The following OSBPL5 variants were observed in gnomAD, a reference collection of about 807,000 sequenced individuals.
OSBPL5 encodes the protein oxysterol-binding protein-related protein 5.
Under a neutral mutation model 111.2 loss-of-function variants are expected in OSBPL5, and 71 were observed. The observed-to-expected ratio is 0.64, with a 90% CI of 0.53 to 0.78. The LOEUF (loss-of-function observed/expected upper bound fraction) is 0.78. Among genes scored for constraint, OSBPL5 ranks in the 30% least tolerant of loss-of-function variants. The probability of loss-of-function intolerance (pLI) is 0.00; values close to 1 mark genes in which losing one functional copy is unlikely to be tolerated. For missense variants in OSBPL5, 1,210 were observed against 1,189.3 expected, an observed-to-expected ratio of 1.02 and a Z score of -0.26; for synonymous variants, 549 against 513.9, an observed-to-expected ratio of 1.07 and a Z score of -0.93.
chr11:3,088,215 A>T lies in OSBPL5; in HGVS notation c.2630T>A (p.Ile877Asn). 1.9e-6 allele frequency: 3 copies of T among 1,592,546 alleles called. No homozygotes were observed. The highest frequency in any genetic ancestry group is 2.6e-6 in the Non-Finnish European group (3 of 1,168,482). The change falls in exon 22 of 22, where the codon ATC (isoleucine) becomes AAC (asparagine). Residue 877 changes from isoleucine to asparagine, a missense_variant. By Grantham distance (149) the Ile-to-Asn change is moderately radical. Transcript: ENST00000263650. ...FLACQLFINH[I>N]LK ...CTGCCCTCAGGGCTCCTATTTGAGG[A>T]TGTGGTTAATGAACAGCTGACACGC... is the stretch of plus-strand genomic sequence containing the variant.
Position 3,142,166 on chromosome 11 carries a change from T to A in OSBPL5, c.-21-12997A>T, listed in dbSNP as rs1562355. Among the ~76,000 whole-genome samples the A allele has an allele frequency of 1.3e-5, 2 of 151,770 alleles. No individual in the cohort carries two copies. Among genetic ancestry groups the A allele is most frequent in the South Asian group, 2.1e-4 (1 of 4,820 alleles). On this transcript the variant is annotated intron_variant, in intron 1 of 21. Transcript: ENST00000263650. The surrounding 1 kb of genome is among the most constrained non-coding windows in gnomAD (Gnocchi z 7.1). ...ACTCCCGACCTCAAGTGATCTGCCCTCCTCGGCGTCCCAAAGTGCTGGGAT... is the reference window on the plus strand; with the variant it reads ...ACTCCCGACCTCAAGTGATCTGCCCACCTCGGCGTCCCAAAGTGCTGGGAT...
intron 1 of OSBPL5, among the ~76,000 whole-genome samples, chr11:3,131,708 ATCCATCCATCCATC>A (rs1406743840): frequency 1.1e-4 from 13 of 122,332 alleles, no homozygotes; most frequent in African/African-American, 4.5e-4. Context: ...CTATCCATCC[ATCCATCCATCCATC>A]CATCCATCCA....
chr11:3,143,260 G>A (rs111525305), intron 1 of OSBPL5, among the ~76,000 whole-genome samples: 39 of 148,700 alleles, frequency 2.6e-4, no homozygotes, highest in Admixed American at 1.0e-3. Context: ...GGTGCGGAGC[G>A]GGGCAGAGGA....
At chr11:3,150,042 A>G (rs1326221276) in intron 1 of OSBPL5, among the ~76,000 whole-genome samples, 1 of 152,210 alleles carries the variant, frequency 6.6e-6, no homozygotes, top group Non-Finnish European at 1.5e-5. Context: ...GTGCATGCAC[A>G]CACACACAGA....
chr11:3,128,238 T>A lies in OSBPL5; in HGVS notation c.136+775A>T, dbSNP rs75383714. On this transcript the variant is annotated intron_variant, in intron 2 of 21. Coordinates refer to ENST00000263650, the MANE Select transcript of OSBPL5 (RefSeq NM_020896.4). The stretch of plus-strand genomic sequence containing the variant: ...CCCACTCCCCCCAGGGCAGATGAGA[T>A]GACCATGGCCAGGCAGGGCTGGGGC... Among the ~76,000 whole-genome samples, 351 of 152,244 alleles carry A rather than the reference T, an allele frequency of 2.3e-3. 3 individuals carry two copies. Among genetic ancestry groups the A allele is most frequent in the African/African-American group, 8.3e-3 (343 of 41,540 alleles).
At chr11:3,127,250 G>C (rs919174984) in intron 2 of OSBPL5, among the ~76,000 whole-genome samples, 2 of 152,236 alleles carry the variant, frequency 1.3e-5, no homozygotes, top group Non-Finnish European at 2.9e-5. Context: ...GTGGGCGAGG[G>C]TTGACTGCCC....
chr11:3,134,303 C>A (rs1400397713), intron 1 of OSBPL5, among the ~76,000 whole-genome samples: 1 of 152,242 alleles, frequency 6.6e-6, no homozygotes, highest in Non-Finnish European at 1.5e-5. Flanking sequence ...CATCCGCTGG[C>A]CACCCAGCAG....
At chr11:3,100,400 C>T (rs1463913362) in intron 13 of OSBPL5, 144 bp from the exon 14 acceptor site, 4 of 674,876 alleles carry the variant, frequency 5.9e-6, no homozygotes, top group Non-Finnish European at 1.1e-5. Flanking sequence ...GCGTGAGTCA[C>T]TTAACCTCTC....
rs961354384 is a variant in OSBPL5, at chr11:3,162,596, C to G, written c.-22+2620G>C. Among the ~76,000 whole-genome samples the G allele has an allele frequency of 2.6e-5, 4 of 152,008 alleles. No individual in the cohort carries two copies. Among genetic ancestry groups the G allele is most frequent in the African/African-American group, 9.7e-5 (4 of 41,368 alleles). ...AGTCCTTTGTACTCGACCGCCAACC[C>G]TACCACTCTCCGGAGCAGCTTCACT... On this transcript the variant is annotated intron_variant, in intron 1 of 21. Transcript: ENST00000263650. The surrounding 1 kb of genome is among the most constrained non-coding windows in gnomAD (Gnocchi z 8.1).
rs529853611 is a variant in OSBPL5 at position 3,163,011 on chromosome 11, GGCTCCCTCCCCGACA to G, written c.-22+2190_-22+2204del. Among the ~76,000 whole-genome samples the G allele has an allele frequency of 8.0e-4, 122 of 152,142 alleles. 2 individuals carry two copies. In the East Asian group the frequency reaches 0.023, roughly 29 times the overall value. ...CTCCACAAGGGGAGCTGCACCTAACGGCTCCCTCCCCGACAGCTCCCTTCCTGTCAAAATGACCGG... is the reference window on the plus strand; with the variant it reads ...CTCCACAAGGGGAGCTGCACCTAACGGCTCCCTTCCTGTCAAAATGACCGG... On this transcript the variant is annotated intron_variant, in intron 1 of 21. Transcript: ENST00000263650.
At chr11:3,096,636 A>C (rs1180765470) in intron 14 of OSBPL5, among the ~76,000 whole-genome samples, 36 of 151,320 alleles carry the variant, frequency 2.4e-4, no homozygotes, top group Admixed American at 1.1e-3. Context: ...AAAAGACAGA[A>C]AGAAAGAAAG....
At chr11:3,149,866 C>A (rs555232368) in intron 1 of OSBPL5, among the ~76,000 whole-genome samples, 1 of 152,220 alleles carries the variant, frequency 6.6e-6, no homozygotes, top group Non-Finnish European at 1.5e-5. Flanking sequence ...CTGACATGCA[C>A]GAGTGTGATG....
chr11:3,125,360 C>G (rs115449538), intron 3 of OSBPL5, among the ~76,000 whole-genome samples: 2,760 of 152,282 alleles, frequency 0.018, 84 homozygotes, highest in African/African-American at 0.064. Flanking sequence ...GCAAACAACC[C>G]ATTCCAAAAA....
intron 6 of OSBPL5, 52 bp downstream of exon 6, chr11:3,120,369 A>G: frequency 6.4e-7 from 1 of 1,562,360 alleles, no homozygotes; most frequent in East Asian, 2.4e-5. Flanking sequence ...CCTAGGAATG[A>G]GCCCCTTGGC....
chr11:3,122,489 C>T, intron 3 of OSBPL5, 61 bp from the exon 4 acceptor site: 1 of 1,526,042 alleles, frequency 6.6e-7, no homozygotes, highest in Admixed American at 1.8e-5. Flanking sequence ...GCTAGGAGCC[C>T]AGGTTGGCCT....
chr11:3,103,289 T>G lies in OSBPL5; in HGVS notation c.1276A>C (p.Met426Leu). ...AAVEEDAYSR[M>L]KLVLRWYLSG... ...AGGTACCACCGCAGCACCAGCTTCA[T>G]GCGGCTGTAGGCATCCTCCTCCACC... Residue 426 changes from methionine to leucine, a missense_variant, in exon 11 of 22, where the codon ATG becomes CTG. By Grantham distance (15) the Met-to-Leu change is conservative. Coordinates refer to ENST00000263650, the MANE Select transcript of OSBPL5 (RefSeq NM_020896.4). 6.2e-7 allele frequency: 1 copy of G among 1,608,548 alleles called. No individual in the cohort carries two copies.
At chr11:3,099,020 C>T (rs1278462485) in intron 14 of OSBPL5, among the ~76,000 whole-genome samples, 4 of 152,184 alleles carry the variant, frequency 2.6e-5, no homozygotes, top group Non-Finnish European at 4.4e-5. Flanking sequence ...CCAGGCTGGT[C>T]TTGAACTCTT....
At chr11:3,093,918 T>G in intron 15 of OSBPL5, 83 bp from the exon 16 acceptor site, 1 of 1,494,694 alleles carries the variant, frequency 6.7e-7, no homozygotes, top group Non-Finnish European at 9.0e-7. Flanking sequence ...CACGGAACAG[T>G]TATTCTCTTG....
chr11:3,159,291 G>A (rs140398567), intron 1 of OSBPL5, among the ~76,000 whole-genome samples: 393 of 152,242 alleles, frequency 2.6e-3, no homozygotes, highest in Non-Finnish European at 4.6e-3. Flanking sequence ...TCTGTAGCTC[G>A]TCTTTGAGCA....
Sources: gnomAD v4.1 joint callset for allele counts (sites outside exome capture counted in the v4.1 genomes callset) on GRCh38, gnomAD v4.1.1 for gene constraint, Gnocchi (gnomAD v3.1) non-coding constraint, MANE v1.5 for transcripts, NCBI Gene and HGNC (gene_info 2026-07-23, HGNC 2026-07-21) for gene names.